Variants in CARD14 observed in about 807,000 individuals in gnomAD.
CARD14 encodes caspase recruitment domain-containing protein 14.
Under a neutral mutation model 111.5 loss-of-function variants are expected in CARD14, and 107 were observed. The observed-to-expected ratio is 0.96, with a 90% CI of 0.82 to 1.13. CARD14 has a LOEUF of 1.13. Ranked by LOEUF, CARD14 falls within the 50% of genes most tolerant of loss-of-function variation. The pLI is 0.00. For synonymous variants in CARD14, 617 were observed against 579.6 expected (o/e 1.06, Z -0.93); for missense variants, 1,322 against 1,362.3 (o/e 0.97, Z 0.47).
intron 22 of CARD14, 87 bp downstream of exon 22, chr17:80,205,739 G>T (rs1475997737): frequency 8.8e-6 from 12 of 1,370,578 alleles, no homozygotes; most frequent in Non-Finnish European, 1.1e-5. Flanking sequence ...AAGGTACAGG[G>T]ACCGACCTGA....
Position 80,182,540 on chromosome 17 carries a change from C to A in CARD14, c.212-113C>A. 1.6e-6 allele frequency: 2 copies of A among 1,272,614 alleles called. No homozygotes were observed. Among genetic ancestry groups the A allele is most frequent in the South Asian group, 1.4e-5 (1 of 71,226 alleles). 78.8% of individuals were successfully genotyped at this position (1,272,614 alleles called of 1,614,324 possible). ...AACCGCTTTCACCTCCCGATTCTTACATGTGCGGGGGGTTTCCCAGCCCCA... is the reference window on the plus strand; with the variant it reads ...AACCGCTTTCACCTCCCGATTCTTAAATGTGCGGGGGGTTTCCCAGCCCCA... On this transcript the variant is annotated intron_variant, in intron 5 of 23. Transcript: ENST00000648509. The surrounding 1 kb of genome is among the most constrained non-coding windows in gnomAD (Gnocchi z 4.7).
intron 2 of CARD14, among the ~76,000 whole-genome samples, chr17:80,176,732 C>G (rs1368622032): frequency 1.3e-5 from 2 of 152,158 alleles, no homozygotes; most frequent in East Asian, 3.9e-4. Flanking sequence ...GTTTTTAAAA[C>G]AAACGCACCA....
Position 80,195,376 on chromosome 17 carries a change from G to C in CARD14, c.1499+43G>C. ...TTCCTGGCACTGGGGTGGCACTGGGGTCCTTCCTGGCAACTCACCAGAGAC... is the reference window on the plus strand; with the variant it reads ...TTCCTGGCACTGGGGTGGCACTGGGCTCCTTCCTGGCAACTCACCAGAGAC... On this transcript the variant is annotated intron_variant, in intron 13 of 23. Transcript: ENST00000648509. This position sits in a 1 kb window ranked among gnomAD's most constrained non-coding sequence, Gnocchi z 4.7. The C allele has an allele frequency of 6.3e-7, 1 of 1,580,716 alleles. No homozygotes were observed. The highest frequency in any genetic ancestry group is 8.6e-7 in the Non-Finnish European group (1 of 1,159,164).
chr17:80,195,142 C>G lies in CARD14; in HGVS notation c.1357-49C>G, dbSNP rs914539876. 1 of 1,553,966 alleles carries G rather than the reference C, an allele frequency of 6.4e-7. No individual in the cohort carries two copies. The highest frequency in any genetic ancestry group is 1.4e-5 in the African/African-American group (1 of 74,056). ...CCGTGGGGGAGCAAGGGAGGAGTCT[C>G]AGGGTGTCCTCGTGCGTGCCCCACT... On this transcript the variant is annotated intron_variant, in intron 12 of 23. Coordinates refer to ENST00000648509, the MANE Select transcript of CARD14 (RefSeq NM_001366385.1). This position sits in a 1 kb window ranked among gnomAD's most constrained non-coding sequence, Gnocchi z 4.7.
chr17:80,204,076 A>G lies in CARD14; in HGVS notation c.2284-151A>G, dbSNP rs954542969. The G allele has an allele frequency of 1.2e-5, 10 of 847,468 alleles. No individual in the cohort carries two copies. The African/African-American group carries it at 1.4e-4, about 12-fold the overall frequency. The allele number at this position is 847,468 out of a possible 1,614,324, so 52.5% of individuals were successfully genotyped here. On this transcript the variant is annotated intron_variant, in intron 19 of 23. Transcript: ENST00000648509. Reference sequence around the variant, plus strand: ...CCCTGCCCAGCCTGCAGGCTCTTGCACAAGTGCAGACACACCTCAGGCTGT... The same window carrying G: ...CCCTGCCCAGCCTGCAGGCTCTTGCGCAAGTGCAGACACACCTCAGGCTGT...
chr17:80,190,222 C>A (rs11655682), intron 9 of CARD14, among the ~76,000 whole-genome samples: 99,273 of 151,996 alleles, frequency 0.65, 33,081 homozygotes, highest in Middle Eastern at 0.79. Flanking sequence ...ACATTAAAAA[C>A]GCAAAACACA....
chr17:80,175,960 T>G (rs1397126194), intron 2 of CARD14, among the ~76,000 whole-genome samples: 1 of 20,000 alleles, frequency 5.0e-5, no homozygotes, highest in African/African-American at 2.4e-4. Context: ...TCGTTTTTTT[T>G]TTTTTTTTTT....
At position 80,208,468 on chromosome 17, in the gene CARD14, C is replaced by A. The variant is rs2041477973; in HGVS notation, c.*123C>A. On this transcript the variant is annotated 3_prime_UTR_variant, in exon 24 of 24. Transcript: ENST00000648509. Reference sequence around the variant, plus strand: ...CTTGGCACATGAGGCCGGCTCTCCCCACTGGCTGGGGTCTAACCTTGAACC... The same window carrying A: ...CTTGGCACATGAGGCCGGCTCTCCCAACTGGCTGGGGTCTAACCTTGAACC... 2 of 919,102 alleles carry A rather than the reference C, an allele frequency of 2.2e-6. No individual in the cohort carries two copies. Among genetic ancestry groups the A allele is most frequent in the Non-Finnish European group, 3.2e-6 (2 of 630,464 alleles). 56.9% of individuals were successfully genotyped at this position (919,102 alleles called of 1,614,324 possible). A position where few individuals can be genotyped will look rare whatever the true frequency, so the allele number is the denominator to read the frequency against.
rs2040454811 is a variant in CARD14 at position 80,189,666 on chromosome 17, A to G, written c.844-87A>G. 4 of 1,399,444 alleles carry G rather than the reference A, an allele frequency of 2.9e-6. No homozygotes were observed. In the East Asian group the frequency reaches 1.2e-4, roughly 41 times the overall value. The allele number at this position is 1,399,444 out of a possible 1,614,324, so 86.7% of individuals were successfully genotyped here. ...CATCCGTCCACACACCTGACCGTGC[A>G]GTTGCCGCCATCTTCTCGGGATTCT... On this transcript the variant is annotated intron_variant, in intron 8 of 23. Transcript: ENST00000648509. The surrounding 1 kb of genome is among the most constrained non-coding windows in gnomAD (Gnocchi z 4.7).
At chr17:80,193,030 A>C (rs1036151283) in intron 12 of CARD14, among the ~76,000 whole-genome samples, 2 of 152,210 alleles carry the variant, frequency 1.3e-5, no homozygotes, top group African/African-American at 4.8e-5. Flanking sequence ...GATTACAGGC[A>C]TGAGCCACCG....
chr17:80,205,727 T>C, intron 22 of CARD14, 75 bp downstream of exon 22: 242 of 1,320,262 alleles, frequency 1.8e-4, no homozygotes, highest in Middle Eastern at 2.7e-4. Flanking sequence ...GGGGATGAGA[T>C]AAAGGTACAG....
chr17:80,204,044 C>G (rs1015923037), intron 19 of CARD14, 159 bp downstream of exon 19: 3 of 791,862 alleles, frequency 3.8e-6, no homozygotes. Flanking sequence ...AGGGCAGGGT[C>G]TGCAGCCCCT....
chr17:80,184,360 C>T (rs770551405), intron 7 of CARD14, 122 bp downstream of exon 7: 21 of 899,896 alleles, frequency 2.3e-5, no homozygotes, highest in East Asian at 3.0e-5. Context: ...TTCCCTGCCC[C>T]GAGAGCCTTG....
At chr17:80,200,639 G>A (rs1205842406) in intron 16 of CARD14, 1 of 152,266 alleles carries the variant, frequency 6.6e-6, no homozygotes, top group East Asian at 1.9e-4. Flanking sequence ...CCGGGTTGTG[G>A]GGGATGGTTT....
At position 80,201,946 on chromosome 17, in the gene CARD14, T is replaced by C. The variant is rs917321444; in HGVS notation, c.1978+76T>C. ...ACCCTTAAGTCCCTGGTGGTTCTTC[T>C]GCACGCCCAGCAGCCAGGGACCCCC... On this transcript the variant is annotated intron_variant, in intron 17 of 23. Transcript: ENST00000648509. The surrounding 1 kb of genome is among the most constrained non-coding windows in gnomAD (Gnocchi z 5.0). 2 of 1,508,898 alleles carry C rather than the reference T, an allele frequency of 1.3e-6. No homozygotes were observed. The highest frequency in any genetic ancestry group is 2.3e-5 in the East Asian group (1 of 44,062). 93.5% of individuals were successfully genotyped at this position (1,508,898 alleles called of 1,614,324 possible). A position where few individuals can be genotyped will look rare whatever the true frequency, so the allele number is the denominator to read the frequency against.
intron 7 of CARD14, among the ~76,000 whole-genome samples, chr17:80,185,215 T>TA (rs56901731): frequency 6.6e-6 from 1 of 151,184 alleles, no homozygotes; most frequent in African/African-American, 2.4e-5. Context: ...CCCAGCTAAT[T>TA]AAAAAAAAAT....
At chr17:80,180,742 ATTTG>A (rs57097861) in intron 4 of CARD14, among the ~76,000 whole-genome samples, 1,826 of 145,422 alleles carry the variant, frequency 0.013, 33 homozygotes, top group African/African-American at 0.041. Context: ...CCCTACTGTT[ATTTG>A]TTTGTTTGTT....
At chr17:80,180,803 C>A (rs551103793) in intron 4 of CARD14, among the ~76,000 whole-genome samples, 1 of 152,204 alleles carries the variant, frequency 6.6e-6, no homozygotes, top group Non-Finnish European at 1.5e-5. Context: ...CCCTCTGTCA[C>A]CCAGGCTGGA....
chr17:80,195,387 C>T lies in CARD14; in HGVS notation c.1499+54C>T, dbSNP rs138388900. Reference sequence around the variant, plus strand: ...GGGGTGGCACTGGGGTCCTTCCTGGCAACTCACCAGAGACACCAACCTAGA... The same window carrying T: ...GGGGTGGCACTGGGGTCCTTCCTGGTAACTCACCAGAGACACCAACCTAGA... On this transcript the variant is annotated intron_variant, in intron 13 of 23. Coordinates refer to ENST00000648509, the MANE Select transcript of CARD14 (RefSeq NM_001366385.1). This position sits in a 1 kb window ranked among gnomAD's most constrained non-coding sequence, Gnocchi z 4.7. 3.1e-5 allele frequency: 48 copies of T among 1,572,040 alleles called. No individual in the cohort carries two copies. In the East Asian group the frequency reaches 1.0e-3, roughly 33 times the overall value.
Sources: gnomAD v4.1 joint callset for allele counts (sites outside exome capture counted in the v4.1 genomes callset) on GRCh38, gnomAD v4.1.1 for gene constraint, Gnocchi (gnomAD v3.1) non-coding constraint, MANE v1.5 for transcripts, NCBI Gene and HGNC (gene_info 2026-07-23, HGNC 2026-07-21) for gene names.